Variants in THBS2 observed in about 807,000 individuals in gnomAD.
THBS2 encodes the protein thrombospondin 2, also known as thrombospondin-2.
Under a neutral mutation model 135.2 loss-of-function variants are expected in THBS2, and 47 were observed. The ratio of observed to expected loss-of-function variants is 0.35; its 90% CI spans 0.28 to 0.44. The LOEUF (loss-of-function observed/expected upper bound fraction) is 0.44, where lower values mean the gene tolerates loss of function less well. Among genes scored for constraint, THBS2 ranks in the 20% least tolerant of loss-of-function variants. The pLI is 1.00. For missense variants in THBS2, 1,288 were observed against 1,603.1 expected (o/e 0.80, Z 3.36); for synonymous variants, 639 against 633.8 (o/e 1.01, Z -0.12).
Position 169,248,496 on chromosome 6 carries a change from T to G in THBS2, c.530A>C (p.Glu177Ala). The G allele has an allele frequency of 1.2e-6, 2 of 1,614,012 alleles. No homozygotes were observed. Among genetic ancestry groups the G allele is most frequent in the Non-Finnish European group, 1.7e-6 (2 of 1,180,028 alleles). Residue 177 changes from glutamate (E) to alanine (A), a missense_variant, in exon 3 of 22, where the codon GAG (glutamate) becomes GCG (alanine). Around this residue, in one of 2 missense-constraint regions of THBS2, gnomAD observed 414 missense variants for 447.0 expected, o/e 0.93. Transcript: ENST00000617924. ...CGCCTGCAGGTGCTCGTAGAAGGGC[T>G]CGTCCAGAGCGAAGCTGTCTATGAG... is the stretch of plus-strand genomic sequence containing the variant. ...CDLIDSFALDEPFYEHLQAEK... is the reference protein window; with the variant it reads ...CDLIDSFALDAPFYEHLQAEK...
intron 18 of THBS2, among the ~76,000 whole-genome samples, chr6:169,222,817 G>T (rs9505950): frequency 7.9e-6 from 1 of 126,786 alleles, no homozygotes; most frequent in Admixed American, 8.8e-5. Flanking sequence ...AGAAAAAAAA[G>T]AAAAAAAAAA....
chr6:169,240,397 T>C (rs1780246009), intron 6 of THBS2, 55 bp downstream of exon 6: 2 of 1,596,250 alleles, frequency 1.3e-6, no homozygotes, highest in Non-Finnish European at 1.7e-6. Context: ...AGTCAGGTTC[T>C]GCCAAGTGTC....
At chr6:169,248,118 G>A (rs1780617400) in intron 3 of THBS2, among the ~76,000 whole-genome samples, 1 of 151,732 alleles carries the variant, frequency 6.6e-6, no homozygotes, top group African/African-American at 2.4e-5. Context: ...GAGTGCATAT[G>A]CAGTGTTTGT....
At chr6:169,242,004 C>T in intron 4 of THBS2, 46 bp from the exon 5 acceptor site, 6 of 1,562,096 alleles carry the variant, frequency 3.8e-6, no homozygotes, top group Non-Finnish European at 5.2e-6. Flanking sequence ...GAGGACGGGG[C>T]CAGCAGCAGG....
intron 16 of THBS2, 25 bp downstream of exon 16, chr6:169,226,155 C>G: frequency 6.3e-7 from 1 of 1,594,980 alleles, no homozygotes; most frequent in Non-Finnish European, 8.6e-7. Context: ...GACCTCCAAC[C>G]CCGCCTGTCT....
rs149261756 is a variant in THBS2 at position 169,244,503 on chromosome 6, C to T, written c.694+1694G>A. Among the ~76,000 whole-genome samples the T allele has an allele frequency of 8.4e-4, 128 of 151,650 alleles. 4 individuals carry two copies. In the East Asian group the frequency reaches 0.023, roughly 27 times the overall value. On this transcript the variant is annotated intron_variant, in intron 4 of 21. Coordinates refer to ENST00000617924, the MANE Select transcript of THBS2 (RefSeq NM_003247.5). Reference sequence around the variant, plus strand: ...AGTACAAACATGTGATTAGGAACACCGCGAAGGGTATATTTTCTTTCATAC... The same window carrying T: ...AGTACAAACATGTGATTAGGAACACTGCGAAGGGTATATTTTCTTTCATAC...
At chr6:169,229,707 G>A (rs768695624) in intron 13 of THBS2, 28 bp from the exon 14 acceptor site, 47 of 1,579,162 alleles carry the variant, frequency 3.0e-5, no homozygotes, top group Non-Finnish European at 3.8e-5. Flanking sequence ...AGAATACTTG[G>A]AAAAACATTT....
intron 2 of THBS2, among the ~76,000 whole-genome samples, chr6:169,250,370 TA>T (rs1214343228): frequency 1.3e-5 from 2 of 152,182 alleles, no homozygotes; most frequent in Non-Finnish European, 2.9e-5. Context: ...ATGTGGTCAT[TA>T]AAAATCATAC....
intron 13 of THBS2, among the ~76,000 whole-genome samples, chr6:169,230,602 C>G (rs746907901): frequency 1.3e-5 from 2 of 152,178 alleles, no homozygotes; most frequent in Non-Finnish European, 2.9e-5. Flanking sequence ...CTTTTAAATC[C>G]TTTTGTGTAT....
At chr6:169,223,191 C>G in intron 18 of THBS2, 57 bp downstream of exon 18, 1 of 1,536,196 alleles carries the variant, frequency 6.5e-7, no homozygotes, top group Non-Finnish European at 8.9e-7. Flanking sequence ...TCTGCATCTT[C>G]TGTGGGCGCC....
At position 169,241,786 on chromosome 6, in the gene THBS2, C is replaced by T; in HGVS notation, c.867G>A (p.Gln289=). ...CCACTCTCTTGAGGTTCTCGCTGAG[C>T]TGGTTCACGAGGACGTGGAGCCCCG... ...ELSGLHVLVN[Q]LSENLKRVSN... Residue 289 remains glutamine, a synonymous_variant, in exon 5 of 22, where the codon CAG becomes CAA. Transcript: ENST00000617924. This position sits in a 1 kb window ranked among gnomAD's most constrained non-coding sequence, Gnocchi z 5.5. The T allele has an allele frequency of 6.2e-7, 1 of 1,610,782 alleles. No homozygotes were observed. The highest frequency in any genetic ancestry group is 8.5e-7 in the Non-Finnish European group (1 of 1,178,378).
At chr6:169,245,746 C>T (rs539798108) in intron 4 of THBS2, among the ~76,000 whole-genome samples, 1 of 148,778 alleles carries the variant, frequency 6.7e-6, no homozygotes, top group South Asian at 2.1e-4. Flanking sequence ...GAGCCCAGAT[C>T]GCACCACTGC....
At chr6:169,236,240 A>C (rs1780056253) in intron 9 of THBS2, among the ~76,000 whole-genome samples, 5 of 90,780 alleles carry the variant, frequency 5.5e-5, no homozygotes, top group African/African-American at 1.5e-4. Context: ...ATCCACACTC[A>C]CTCCCCATCC....
Position 169,223,153 on chromosome 6 carries a change from A to G in THBS2, c.3001+95T>C. 15 of 1,175,396 alleles carry G rather than the reference A, an allele frequency of 1.3e-5. No individual in the cohort carries two copies. In the South Asian group the frequency reaches 2.3e-4, roughly 18 times the overall value. 72.8% of individuals were successfully genotyped at this position (1,175,396 alleles called of 1,614,324 possible). A position where few individuals can be genotyped will look rare whatever the true frequency, so the allele number is the denominator to read the frequency against. On this transcript the variant is annotated intron_variant, in intron 18 of 21. Transcript: ENST00000617924. The stretch of plus-strand genomic sequence containing the variant: ...GGGGCTTCCAGAAAGACCACATGGC[A>G]TCCCACCTGCATGATCTTAAAGTGC...
intron 4 of THBS2, among the ~76,000 whole-genome samples, chr6:169,242,951 C>T (rs200218544): frequency 1.0e-5 from 1 of 96,040 alleles, no homozygotes; most frequent in Non-Finnish European, 2.1e-5. Flanking sequence ...TTCCCACCTT[C>T]CCACCTTCCC....
In THBS2 at chr6:169,241,845, A is replaced by G; in HGVS notation, c.808T>C (p.Cys270Arg). 1 of 1,612,696 alleles carries G rather than the reference A, an allele frequency of 6.2e-7. No individual in the cohort carries two copies. Among genetic ancestry groups the G allele is most frequent in the Non-Finnish European group, 8.5e-7 (1 of 1,179,938 alleles). The change falls in exon 5 of 22, where the codon TGC becomes CGC. Residue 270 changes from cysteine (C) to arginine (R), a missense_variant. Coordinates refer to ENST00000617924, the MANE Select transcript of THBS2 (RefSeq NM_003247.5). The surrounding 1 kb of genome is among the most constrained non-coding windows in gnomAD (Gnocchi z 5.5). ...TGGACCATGTTTCCCAGCTCCTCGC[A>G]CGAGCGTTCGCACACCTCGGGCCTC... is the stretch of plus-strand genomic sequence containing the variant. ...ERRPEVCERSCEELGNMVQEL... is the reference protein window; with the variant it reads ...ERRPEVCERSREELGNMVQEL...
At chr6:169,235,791 T>C (rs1780015768) in intron 9 of THBS2, among the ~76,000 whole-genome samples, 2 of 104,194 alleles carry the variant, frequency 1.9e-5, no homozygotes, top group Non-Finnish European at 3.7e-5. Flanking sequence ...TCACACTCCC[T>C]CCCCATCCAC....
Position 169,248,747 on chromosome 6 carries a change from G to GT in THBS2, c.278dup (p.Asp93GlufsTer39). 1 of 1,613,350 alleles carries GT rather than the reference G, an allele frequency of 6.2e-7. No individual in the cohort carries two copies. The highest frequency in any genetic ancestry group is 8.5e-7 in the Non-Finnish European group (1 of 1,179,994). On this transcript the variant is annotated frameshift_variant, in exon 3 of 22. Coordinates refer to ENST00000617924, the MANE Select transcript of THBS2 (RefSeq NM_003247.5). LOFTEE classifies it high-confidence loss of function. ...CCAACAGCGTGCCCCTGGACTTGCC[G>GT]TCCTGCTTGAGCTGGGCCGTGAGGA...
intron 15 of THBS2, among the ~76,000 whole-genome samples, 198 bp from the exon 16 acceptor site, chr6:169,226,496 C>T (rs1779636187): frequency 6.6e-6 from 1 of 152,170 alleles, no homozygotes; most frequent in South Asian, 2.1e-4. Flanking sequence ...TATTTCATTA[C>T]AGTTCAAATA....
Sources: allele counts gnomAD v4.1 joint callset (sites outside exome capture counted in the v4.1 genomes callset), GRCh38; gene constraint gnomAD v4.1.1; regional missense constraint gnomAD v4.1.1; non-coding constraint Gnocchi (gnomAD v3.1); transcripts MANE v1.5; gene names NCBI Gene and HGNC (gene_info 2026-07-23, HGNC 2026-07-21).